Variants in LRRC27 observed in about 807,000 individuals in gnomAD.
The protein encoded by LRRC27 is leucine rich repeat containing 27, also known as leucine-rich repeat-containing protein 27.
Under a neutral mutation model 55.0 loss-of-function variants are expected in LRRC27, and 57 were observed. The observed-to-expected ratio is 1.04, with a 90% CI of 0.84 to 1.29. LRRC27 has a LOEUF of 1.29. Ranked by LOEUF, LRRC27 falls within the 50% of genes most tolerant of loss-of-function variation. LRRC27 has a pLI of 0.00. For synonymous variants in LRRC27, 278 were observed against 251.9 expected, an observed-to-expected ratio of 1.10 and a Z score of -0.98; for missense variants, 721 against 651.5, an observed-to-expected ratio of 1.11 and a Z score of -1.16.
chr10:132,351,945 C>A (rs1243087575), intron 7 of LRRC27, among the ~76,000 whole-genome samples, 192 bp downstream of exon 7: 1 of 152,246 alleles, frequency 6.6e-6, no homozygotes, highest in African/African-American at 2.4e-5. Context: ...TAGCGCCACG[C>A]ACGGGCTCGC....
At chr10:132,355,165 T>C (rs2068250728) in intron 7 of LRRC27, among the ~76,000 whole-genome samples, 1 of 152,134 alleles carries the variant, frequency 6.6e-6, no homozygotes. Context: ...AACCTCTGCC[T>C]CCTGGGTTCA....
intron 3 of LRRC27, among the ~76,000 whole-genome samples, chr10:132,339,713 T>A (rs544655188): frequency 2.0e-5 from 3 of 152,372 alleles, no homozygotes; most frequent in African/African-American, 7.2e-5. Flanking sequence ...TTAGAATCAC[T>A]GGGTGCTCTT....
chr10:132,347,273 C>T (rs544239659), intron 5 of LRRC27, among the ~76,000 whole-genome samples: 6 of 151,514 alleles, frequency 4.0e-5, no homozygotes, highest in East Asian at 2.0e-4. Context: ...GAAGGTCAGG[C>T]GCGCCCGGTG....
intron 10 of LRRC27, among the ~76,000 whole-genome samples, chr10:132,369,894 G>C (rs72863823): frequency 0.14 from 21,862 of 152,160 alleles, 2,084 homozygotes; most frequent in Middle Eastern, 0.23. Context: ...GCAGAGCAGT[G>C]GGGCCATGAG....
intron 10 of LRRC27, among the ~76,000 whole-genome samples, chr10:132,365,867 G>A (rs2069055110): frequency 6.6e-6 from 1 of 152,176 alleles, no homozygotes; most frequent in Admixed American, 6.5e-5. Context: ...CCAAATTGCT[G>A]GGCCACTGTG....
At chr10:132,345,329 T>C (rs1277678945) in intron 5 of LRRC27, among the ~76,000 whole-genome samples, 2 of 152,242 alleles carry the variant, frequency 1.3e-5, no homozygotes, top group African/African-American at 4.8e-5. Flanking sequence ...AAAATGCATG[T>C]TTGGAACATT....
chr10:132,354,623 A>G (rs746408731), intron 7 of LRRC27, among the ~76,000 whole-genome samples: 12 of 152,172 alleles, frequency 7.9e-5, no homozygotes, highest in Admixed American at 2.0e-4. Context: ...CTCTGATCCC[A>G]GGCAGCACTG....
chr10:132,375,149 A>G lies in LRRC27; in HGVS notation c.1500A>G (p.Gly500=), dbSNP rs776235362. The change falls in exon 11 of 11, where the codon GGA becomes GGG. Residue 500 remains glycine, a synonymous_variant. Coordinates refer to ENST00000368614, the MANE Select transcript of LRRC27 (RefSeq NM_030626.3). ...ATCGTCGACGGGCGGCCCTCACTGG[A>G]AACCTTTCGCTTGGCCTGCCGGCAG... ...NKDRRRAALT[G]NLSLGLPAAQ... is the part of the protein sequence containing the mutation. 6.2e-7 allele frequency: 1 copy of G among 1,614,156 alleles called. No homozygotes were observed. Among genetic ancestry groups the G allele is most frequent in the South Asian group, 1.1e-5 (1 of 91,082 alleles).
At chr10:132,365,615 T>C in intron 10 of LRRC27, 65 bp downstream of exon 10, 1 of 1,567,180 alleles carries the variant, frequency 6.4e-7, no homozygotes, top group African/African-American at 1.4e-5. Context: ...TGTTTTTGTT[T>C]TTTTGAGACA....
rs1286796087 is a variant in LRRC27, at chr10:132,375,985, A to T, written c.*743A>T. ...GTGCTGAGTGTTTGCTTGGATCTTG[A>T]AAACATCTTTGGTTTGATTTCTTTA... On this transcript the variant is annotated 3_prime_UTR_variant, in exon 11 of 11. Coordinates refer to ENST00000368614, the MANE Select transcript of LRRC27 (RefSeq NM_030626.3). 1 of 152,212 alleles carries T rather than the reference A, an allele frequency of 6.6e-6. No individual in the cohort carries two copies. The highest frequency in any genetic ancestry group is 1.9e-4 in the East Asian group (1 of 5,196). 9.4% of individuals were successfully genotyped at this position (152,212 alleles called of 1,614,324 possible).
At chr10:132,347,477 CTGTGGGGCTTG>C (rs762992516) in intron 5 of LRRC27, among the ~76,000 whole-genome samples, 30 of 150,250 alleles carry the variant, frequency 2.0e-4, no homozygotes, top group Non-Finnish European at 4.1e-4. Flanking sequence ...CACATGTGTC[CTGTGGGGCTTG>C]TGTGGGAAGG....
chr10:132,361,798 A>T (rs1400900453), intron 9 of LRRC27, among the ~76,000 whole-genome samples: 15 of 151,860 alleles, frequency 9.9e-5, no homozygotes, highest in African/African-American at 3.4e-4. Flanking sequence ...TCACCCAGCC[A>T]TGGCTCCTGT....
At chr10:132,361,674 T>A in intron 9 of LRRC27, 99 bp downstream of exon 9, 1 of 871,464 alleles carries the variant, frequency 1.1e-6, no homozygotes, top group Non-Finnish European at 1.9e-6. Flanking sequence ...TGAGGAGCCC[T>A]GAAACTCCAG....
upstream of LRRC27, chr10:132,331,489 A>G: frequency 1.2e-6 from 2 of 1,612,756 alleles, no homozygotes; most frequent in African/African-American, 1.3e-5. Flanking sequence ...TACTTCTCCA[A>G]AGAGGACGCT....
At position 132,351,746 on chromosome 10, in the gene LRRC27, C is replaced by T. The variant is rs376195660; in HGVS notation, c.1066C>T (p.Gln356Ter). 5.0e-6 allele frequency: 8 copies of T among 1,612,054 alleles called. No homozygotes were observed. In the South Asian group the frequency reaches 8.8e-5, roughly 18 times the overall value. Residue 356 changes from glutamine (Q) to a stop codon, truncating the protein, a stop_gained, in exon 7 of 11, where the codon CAG becomes TAG. Transcript: ENST00000368614. LOFTEE classifies it high-confidence loss of function. ...GGAGAAGCAGGCTCTGATGGAGCAG[C>T]AGAGACGGTGAGTCCACACAGGGTG... ...LQEKQALMEQ[Q>*]RREKRALQEW...
Position 132,379,277 on chromosome 10 carries a change from C to T in LRRC27, c.*4035C>T, listed in dbSNP as rs2069380950. The T allele has an allele frequency of 6.7e-6, 1 of 148,658 alleles. No homozygotes were observed. The highest frequency in any genetic ancestry group is 2.1e-4 in the South Asian group (1 of 4,766). The allele number at this position is 148,658 out of a possible 1,614,324, so 9.2% of individuals were successfully genotyped here. A position where few individuals can be genotyped will look rare whatever the true frequency, so the allele number is the denominator to read the frequency against. ...GCTCCTCTCCAGAGTTTCCTCTCAC[C>T]TCCGTGTTCTCAGGGAGTGCGTGGT... On this transcript the variant is annotated 3_prime_UTR_variant, in exon 11 of 11. Coordinates refer to ENST00000368614, the MANE Select transcript of LRRC27 (RefSeq NM_030626.3).
chr10:132,346,420 T>G (rs1317580821), intron 5 of LRRC27, among the ~76,000 whole-genome samples: 1 of 152,238 alleles, frequency 6.6e-6, no homozygotes, highest in Non-Finnish European at 1.5e-5. Flanking sequence ...CTCACGCCTG[T>G]GATCCCAGCA....
Position 132,348,391 on chromosome 10 carries a change from C to A in LRRC27, c.926+35C>A, listed in dbSNP as rs1296937935. ...AAAAGCAACGGGGGATTTTCTTGAT[C>A]TTTGCGAATTTATACAGTTATTTTA... On this transcript the variant is annotated intron_variant, in intron 6 of 10. Coordinates refer to ENST00000368614, the MANE Select transcript of LRRC27 (RefSeq NM_030626.3). This position sits in a 1 kb window ranked among gnomAD's most constrained non-coding sequence, Gnocchi z 4.2. The A allele has an allele frequency of 2.5e-6, 4 of 1,590,152 alleles. No individual in the cohort carries two copies. The highest frequency in any genetic ancestry group is 1.7e-4 in the Middle Eastern group (1 of 5,950).
intron 9 of LRRC27, among the ~76,000 whole-genome samples, chr10:132,364,504 T>C (rs1274165138): frequency 1.7e-3 from 3 of 1,814 alleles, no homozygotes; most frequent in African/African-American, 1.6e-3. Context: ...CACCCTTACA[T>C]CTACCTCCAC....
Sources: gnomAD v4.1 joint callset for allele counts (sites outside exome capture counted in the v4.1 genomes callset) on GRCh38, gnomAD v4.1.1 for gene constraint, Gnocchi (gnomAD v3.1) non-coding constraint, MANE v1.5 for transcripts, NCBI Gene and HGNC (gene_info 2026-07-23, HGNC 2026-07-21) for gene names.